SHROOM4: variants seen among roughly 807,000 people sequenced by gnomAD.
The protein encoded by SHROOM4 is protein Shroom4.
In SHROOM4, 17 loss-of-function variants were observed where a neutral mutation model predicts 80.3. The observed-to-expected ratio is 0.21, with a 90% CI of 0.14 to 0.32. The LOEUF (loss-of-function observed/expected upper bound fraction) is 0.32, where lower values mean the gene tolerates loss of function less well. Ranked by LOEUF, SHROOM4 falls within the 10% of genes least tolerant of loss-of-function variation. The probability of loss-of-function intolerance (pLI) is 1.00; values close to 1 mark genes in which losing one functional copy is unlikely to be tolerated. For missense variants in SHROOM4, 993 were observed against 1,140.3 expected (o/e 0.87, Z 1.86); for synonymous variants, 400 against 437.5 (o/e 0.91, Z 1.07).
rs782530547 is a variant in SHROOM4 at position 50,694,543 on chromosome X, A to ATTTTTTTTTTTTTTTTTTTTT, written c.269+1222_269+1242dup. On this transcript the variant is annotated intron_variant, in intron 2 of 8. Transcript: ENST00000376020. ...AGGTCTTTGCCCATTTTTAAGTTGG[A>ATTTTTTTTTTTTTTTTTTTTT]TTTTTTTTTTTTTTTTTTTTTTTTT... is the stretch of plus-strand genomic sequence containing the variant. Among the ~76,000 whole-genome samples the ATTTTTTTTTTTTTTTTTTTTT allele has an allele frequency of 1.8e-3, 22 of 12,494 alleles. 8 individuals carry two copies. The highest frequency in any genetic ancestry group is 2.4e-3 in the Non-Finnish European group (19 of 7,949). 10.8% of individuals were successfully genotyped at this position (12,494 alleles called of 115,157 possible). A position where few individuals can be genotyped will look rare whatever the true frequency, so the allele number is the denominator to read the frequency against.
intron 1 of SHROOM4, among the ~76,000 whole-genome samples, chrX:50,768,810 C>T (rs934637147): frequency 6.3e-5 from 7 of 111,731 alleles, no homozygotes; most frequent in African/African-American, 2.3e-4. Flanking sequence ...CTCATGGAAC[C>T]TCAGAAGCAA....
Position 50,593,856 on chromosome X carries a change from T to C in SHROOM4, c.*2839A>G, listed in dbSNP as rs1488173656. On this transcript the variant is annotated 3_prime_UTR_variant, in exon 9 of 9. Coordinates refer to ENST00000376020, the MANE Select transcript of SHROOM4 (RefSeq NM_020717.5). ...AATTTCTTCCTTTCTAGGGCTTTAT[T>C]TTCAGTGTCTCTGTCTTATTCTGTC... 1 of 112,488 alleles carries C rather than the reference T, an allele frequency of 8.9e-6. No individual in the cohort carries two copies. Among genetic ancestry groups the C allele is most frequent in the Non-Finnish European group, 1.9e-5 (1 of 53,309 alleles). 9.3% of individuals were successfully genotyped at this position (112,488 alleles called of 1,213,427 possible).
chrX:50,738,747 G>A (rs1433591841), intron 1 of SHROOM4, among the ~76,000 whole-genome samples: 93 of 108,690 alleles, frequency 8.6e-4, no homozygotes, highest in Admixed American at 1.1e-3. Context: ...GAAAATGGCC[G>A]TACTGCCCAA....
At chrX:50,791,643 T>C (rs1246272483) in intron 1 of SHROOM4, among the ~76,000 whole-genome samples, 1 of 99,802 alleles carries the variant, frequency 1.0e-5, no homozygotes, top group Non-Finnish European at 2.0e-5. Context: ...AGGCTGGTCT[T>C]GGAATCCTAG....
At chrX:50,811,766 T>C (rs1936336743) in intron 1 of SHROOM4, among the ~76,000 whole-genome samples, 1 of 111,685 alleles carries the variant, frequency 9.0e-6, no homozygotes, top group Non-Finnish European at 1.9e-5. Context: ...AACTAGGCTA[T>C]TTGGGAGGAA....
At chrX:50,783,024 C>T (rs1557270776) in intron 1 of SHROOM4, among the ~76,000 whole-genome samples, 5 of 111,187 alleles carry the variant, frequency 4.5e-5, no homozygotes. Flanking sequence ...GTTCTTACCA[C>T]AATAAGGACT....
At chrX:50,614,259 TAAAAGTAATA>T (rs1406430593) in intron 5 of SHROOM4, among the ~76,000 whole-genome samples, 2 of 112,098 alleles carry the variant, frequency 1.8e-5, no homozygotes, top group Non-Finnish European at 3.8e-5. Flanking sequence ...ACACAAAACA[TAAAAGTAATA>T]AGGGAAAGTT....
At chrX:50,760,468 G>T (rs1305819758) in intron 1 of SHROOM4, among the ~76,000 whole-genome samples, 1 of 108,234 alleles carries the variant, frequency 9.2e-6, no homozygotes, top group African/African-American at 3.4e-5. Flanking sequence ...CTCACAAGTA[G>T]CTGGGACTAC....
rs370371137 is a variant in SHROOM4, at chrX:50,635,491, C to A, written c.582G>T (p.Ser194=). The change falls in exon 4 of 9, where the codon TCG becomes TCT. Residue 194 remains serine, a synonymous_variant. Transcript: ENST00000376020. ...CACAGTCAGAAGCATTTGAGCTGGCCGAGAAGGAGCTGTAGGCTGAGTCAC... is the reference window on the plus strand; with the variant it reads ...CACAGTCAGAAGCATTTGAGCTGGCAGAGAAGGAGCTGTAGGCTGAGTCAC... ...NQRDSAYSSF[S]ASSNASDCAL... The A allele has an allele frequency of 1.1e-5, 13 of 1,208,844 alleles. No homozygotes were observed. Among genetic ancestry groups the A allele is most frequent in the Non-Finnish European group, 1.5e-5 (13 of 894,721 alleles).
chrX:50,627,785 T>C (rs1930869334), intron 4 of SHROOM4, 110 bp from the exon 5 acceptor site: 2 of 619,756 alleles, frequency 3.2e-6, no homozygotes, highest in Admixed American at 2.5e-5. Context: ...CCCCCCAGCT[T>C]GTTTCTTCTA....
At chrX:50,690,058 C>G (rs1754733323) in intron 2 of SHROOM4, among the ~76,000 whole-genome samples, 2 of 111,950 alleles carry the variant, frequency 1.8e-5, no homozygotes, top group Non-Finnish European at 3.8e-5. Context: ...ATAAAAATAT[C>G]TGTCCCTTAA....
At chrX:50,658,106 G>A (rs1932374632) in intron 2 of SHROOM4, among the ~76,000 whole-genome samples, 1 of 112,240 alleles carries the variant, frequency 8.9e-6, no homozygotes, top group Non-Finnish European at 1.9e-5. Flanking sequence ...CACCTTTGAA[G>A]CAAAGAATAG....
At chrX:50,704,676 A>C (rs782759668) in intron 1 of SHROOM4, among the ~76,000 whole-genome samples, 1 of 112,170 alleles carries the variant, frequency 8.9e-6, no homozygotes, top group African/African-American at 3.2e-5. Context: ...GGGTAGGGAC[A>C]AAAGGCTGCC....
intron 1 of SHROOM4, among the ~76,000 whole-genome samples, chrX:50,749,160 C>T (rs1213184712): frequency 8.0e-5 from 9 of 111,817 alleles, no homozygotes; most frequent in African/African-American, 2.6e-4. Context: ...TGCAGTGAGC[C>T]GTGATCACAC....
At chrX:50,718,064 C>T (rs1377604117) in intron 1 of SHROOM4, among the ~76,000 whole-genome samples, 2 of 111,618 alleles carry the variant, frequency 1.8e-5, no homozygotes, top group Non-Finnish European at 3.8e-5. Flanking sequence ...TACCAACATC[C>T]TCTATGATAA....
At chrX:50,670,264 C>T (rs149021556) in intron 2 of SHROOM4, among the ~76,000 whole-genome samples, 1 of 108,888 alleles carries the variant, frequency 9.2e-6, no homozygotes, top group Admixed American at 9.8e-5. Flanking sequence ...CCCCTAGCCC[C>T]CCACCCTCTG....
chrX:50,713,773 T>C (rs1308877361), intron 1 of SHROOM4, among the ~76,000 whole-genome samples: 1 of 112,472 alleles, frequency 8.9e-6, no homozygotes, highest in Non-Finnish European at 1.9e-5. Flanking sequence ...GTGTTGTCTC[T>C]TCACTGTTTA....
At chrX:50,668,160 T>G (rs1370822226) in intron 2 of SHROOM4, among the ~76,000 whole-genome samples, 2 of 112,173 alleles carry the variant, frequency 1.8e-5, no homozygotes, top group Non-Finnish European at 3.8e-5. Flanking sequence ...AGTCTCCTAC[T>G]CATGATGTTA....
At chrX:50,613,268 C>T (rs782340495) in intron 5 of SHROOM4, among the ~76,000 whole-genome samples, 11 of 111,187 alleles carry the variant, frequency 9.9e-5, no homozygotes, top group Admixed American at 5.7e-4. Flanking sequence ...CATGCACCAC[C>T]ATACCCGGCT....
Sources: allele counts gnomAD v4.1 joint callset (sites outside exome capture counted in the v4.1 genomes callset), GRCh38; gene constraint gnomAD v4.1.1; transcripts MANE v1.5; gene names NCBI Gene and HGNC (gene_info 2026-07-23, HGNC 2026-07-21).